Variants in DDX60L observed in about 807,000 individuals in gnomAD.
DDX60L encodes the protein probable ATP-dependent RNA helicase DDX60-like.
Under a neutral mutation model 211.6 loss-of-function variants are expected in DDX60L, and 191 were observed. The ratio of observed to expected loss-of-function variants is 0.90; its 90% CI spans 0.80 to 1.02. The LOEUF is 1.02. Ranked by LOEUF, DDX60L falls within the 50% of genes least tolerant of loss-of-function variation. The pLI, the probability that DDX60L is intolerant of heterozygous loss-of-function variation, is 0.00. For missense variants in DDX60L, 2,007 were observed against 1,984.1 expected, an observed-to-expected ratio of 1.01 and a Z score of -0.22; for synonymous variants, 706 against 694.1, an observed-to-expected ratio of 1.02 and a Z score of -0.27.
chr4:168,446,180 A>C (rs1013945783), intron 9 of DDX60L, among the ~76,000 whole-genome samples: 1 of 151,958 alleles, frequency 6.6e-6, no homozygotes, highest in African/African-American at 2.4e-5. Flanking sequence ...ACTTCAGCAA[A>C]GTCTCAGGAT....
chr4:168,451,383 A>C (rs1045847237), intron 8 of DDX60L, among the ~76,000 whole-genome samples: 3 of 152,204 alleles, frequency 2.0e-5, no homozygotes, highest in African/African-American at 7.2e-5. Flanking sequence ...CCTCTTCAGA[A>C]TGTTCTTCTT....
chr4:168,457,887 A>G lies in DDX60L; in HGVS notation c.723+5T>C. The G allele has an allele frequency of 6.8e-7, 1 of 1,471,660 alleles. No individual in the cohort carries two copies. Among genetic ancestry groups the G allele is most frequent in the South Asian group, 1.3e-5 (1 of 77,244 alleles). 91.2% of individuals were successfully genotyped at this position (1,471,660 alleles called of 1,614,324 possible). ...TTTTATTTAAAGAAATAAAAATTTT[A>G]ATACCTCTTCCATCATATCATTCCA... On this transcript the variant is annotated splice_donor_5th_base_variant and intron_variant, in intron 6 of 37. Coordinates refer to ENST00000682922, the MANE Select transcript of DDX60L (RefSeq NM_001012967.3).
At chr4:168,478,232 A>G (rs1436969885) in intron 1 of DDX60L, among the ~76,000 whole-genome samples, 1 of 152,270 alleles carries the variant, frequency 6.6e-6, no homozygotes, top group South Asian at 2.1e-4. Flanking sequence ...AAAGACTCAT[A>G]AAGAATTCTC....
At chr4:168,418,503 C>T (rs1749950893) in intron 19 of DDX60L, among the ~76,000 whole-genome samples, 1 of 152,180 alleles carries the variant, frequency 6.6e-6, no homozygotes. Context: ...AAGTCAGCAA[C>T]ACACAATACA....
intron 15 of DDX60L, 46 bp from the exon 16 acceptor site, chr4:168,422,716 T>A: frequency 1.5e-6 from 2 of 1,377,974 alleles, no homozygotes; most frequent in African/African-American, 2.9e-5. Flanking sequence ...ACTTCAAAAT[T>A]GAATAAACAT....
At chr4:168,435,528 GCTGCTGTT>G (rs1303929446) in intron 10 of DDX60L, among the ~76,000 whole-genome samples, 1 of 152,168 alleles carries the variant, frequency 6.6e-6, no homozygotes, top group Non-Finnish European at 1.5e-5. Context: ...TCCAACTGCA[GCTGCTGTT>G]CCAGAGGTGG....
At position 168,385,541 on chromosome 4, in the gene DDX60L, A is replaced by G. The variant is rs527594304; in HGVS notation, c.3916-729T>C. Among the ~76,000 whole-genome samples the G allele has an allele frequency of 2.6e-5, 4 of 152,324 alleles. No homozygotes were observed. In the South Asian group the frequency reaches 8.3e-4, roughly 32 times the overall value. ...AACCCCAACTTGAAGCCAGTTGGTC[A>G]TAAGTTCCAGAGGACTGCACTTGTG... On this transcript the variant is annotated intron_variant, in intron 29 of 37. Coordinates refer to ENST00000682922, the MANE Select transcript of DDX60L (RefSeq NM_001012967.3).
At chr4:168,405,426 C>T (rs564200029) in intron 24 of DDX60L, among the ~76,000 whole-genome samples, 2 of 152,332 alleles carry the variant, frequency 1.3e-5, no homozygotes, top group East Asian at 3.9e-4. Context: ...GATATCTTTG[C>T]TTCTCAGCAT....
At chr4:168,439,421 G>A (rs182224521) in intron 10 of DDX60L, among the ~76,000 whole-genome samples, 2 of 152,116 alleles carry the variant, frequency 1.3e-5, no homozygotes, top group Non-Finnish European at 2.9e-5. Context: ...TGCAACTTCA[G>A]CTCATGCCCC....
chr4:168,427,407 T>G, intron 13 of DDX60L, 85 bp from the exon 14 acceptor site: 3 of 1,402,774 alleles, frequency 2.1e-6, no homozygotes, highest in Non-Finnish European at 2.9e-6. Context: ...TTTGTGCACT[T>G]ACTGAGGACT....
chr4:168,415,698 T>C lies in DDX60L; in HGVS notation c.2828A>G (p.Gln943Arg). 1 of 1,603,838 alleles carries C rather than the reference T, an allele frequency of 6.2e-7. No homozygotes were observed. The highest frequency in any genetic ancestry group is 8.5e-7 in the Non-Finnish European group (1 of 1,174,086). Residue 943 changes from glutamine to arginine, a missense_variant, in exon 21 of 38, where the codon CAA becomes CGA. Coordinates refer to ENST00000682922, the MANE Select transcript of DDX60L (RefSeq NM_001012967.3). ...KQADKCLNFL[Q>R]DHSYKNQSYE... ...TGATTGATTTTTATATGAATGGTCT[T>C]GGAGAAAGTTGAGACATTTGTCAGC...
chr4:168,373,062 T>A (rs1741316032), intron 35 of DDX60L, among the ~76,000 whole-genome samples: 1 of 152,306 alleles, frequency 6.6e-6, no homozygotes, highest in Non-Finnish European at 1.5e-5. Context: ...CACGATTTTT[T>A]AAAATTCCTT....
Position 168,361,197 on chromosome 4 carries a change from TG to T in DDX60L, c.4942del (p.Gln1648SerfsTer3). On this transcript the variant is annotated frameshift_variant, in exon 37 of 38. Coordinates refer to ENST00000682922, the MANE Select transcript of DDX60L (RefSeq NM_001012967.3). LOFTEE classifies it low-confidence loss of function (END_TRUNC). ...AAAATCTTTCAAACACTTTAAAAGC[TG>T]TCCCATACGCATCCTAAAGAGAACA... ...LDQKNGMRMG[Q>X]LLKCLKDFAF... The T allele has an allele frequency of 6.2e-7, 1 of 1,602,652 alleles. No individual in the cohort carries two copies. The highest frequency in any genetic ancestry group is 1.7e-4 in the Middle Eastern group (1 of 6,026).
At chr4:168,447,333 T>TA (rs1469949153) in intron 9 of DDX60L, among the ~76,000 whole-genome samples, 3 of 145,694 alleles carry the variant, frequency 2.1e-5, no homozygotes, top group African/African-American at 7.5e-5. Flanking sequence ...CACAATGAGA[T>TA]ACCATCTCAC....
chr4:168,358,204 G>C lies in DDX60L; in HGVS notation c.5064C>G (p.Thr1688=), dbSNP rs747076756. 1.0e-5 allele frequency: 16 copies of C among 1,605,490 alleles called. No homozygotes were observed. The Admixed American group carries it at 2.4e-4, about 24-fold the overall frequency. The change falls in exon 38 of 38, where the codon ACC becomes ACG. Residue 1688 remains threonine, a synonymous_variant. Transcript: ENST00000682922. ...VVLAFKQLSQ[T]FYEKLQEMQI... ...GCATTTCTTGAAGTTTCTCATAAAA[G>C]GTTTGACTCAATTGTTTAAATGCCA...
At chr4:168,416,854 T>A in intron 19 of DDX60L, 57 bp from the exon 20 acceptor site, 1 of 977,992 alleles carries the variant, frequency 1.0e-6, no homozygotes. Flanking sequence ...AAATAAAAAA[T>A]AGAAGCATAA....
chr4:168,361,787 A>G (rs1277375535), intron 36 of DDX60L, among the ~76,000 whole-genome samples: 1 of 152,196 alleles, frequency 6.6e-6, no homozygotes, highest in Admixed American at 6.5e-5. Flanking sequence ...TTGCTACAAG[A>G]GAGTCTCCCA....
At position 168,358,247 on chromosome 4, in the gene DDX60L, T is replaced by G. The variant is rs1738462175; in HGVS notation, c.5021A>C (p.Lys1674Thr). The G allele has an allele frequency of 1.3e-6, 2 of 1,597,582 alleles. No individual in the cohort carries two copies. The highest frequency in any genetic ancestry group is 1.7e-6 in the Non-Finnish European group (2 of 1,172,262). The change falls in exon 38 of 38, where the codon AAG (lysine) becomes ACG (threonine). Residue 1674 changes from lysine (K) to threonine (T), a missense_variant. Coordinates refer to ENST00000682922, the MANE Select transcript of DDX60L (RefSeq NM_001012967.3). ...AAATGCCAGGACTACATTGTCACGC[T>G]TATTTTCACATAGTTCACTCAAGGA... ...SDSLSELCEN[K>T]RDNVVLAFKQ...
At chr4:168,431,869 A>C (rs1752413921) in intron 12 of DDX60L, among the ~76,000 whole-genome samples, 2 of 152,104 alleles carry the variant, frequency 1.3e-5, no homozygotes, top group South Asian at 2.1e-4. Flanking sequence ...CTTTTTGTAG[A>C]TTCAACTCCT....
Sources: gnomAD v4.1 joint callset for allele counts (sites outside exome capture counted in the v4.1 genomes callset) on GRCh38, gnomAD v4.1.1 for gene constraint, MANE v1.5 for transcripts, NCBI Gene and HGNC (gene_info 2026-07-23, HGNC 2026-07-21) for gene names.